RBFOX1: variants seen among roughly 807,000 people sequenced by gnomAD.
RBFOX1 encodes the protein RNA binding fox-1 homolog 1.
RBFOX1 carries 8 observed loss-of-function variants against 57.7 expected under a neutral mutation model. That is an observed-to-expected ratio of 0.14 (90% confidence interval 0.08 to 0.25). The LOEUF is 0.25. Ranked by LOEUF, RBFOX1 falls within the 10% of genes least tolerant of loss-of-function variation. The pLI, the probability that RBFOX1 is intolerant of heterozygous loss-of-function variation, is 1.00. For synonymous variants in RBFOX1, 326 were observed against 222.4 expected, an observed-to-expected ratio of 1.47 and a Z score of -4.15; for missense variants, 611 against 548.5, an observed-to-expected ratio of 1.11 and a Z score of -1.14.
intron 3 of RBFOX1, among the ~76,000 whole-genome samples, chr16:5,788,100 T>C: frequency 6.6e-6 from 1 of 152,176 alleles, no homozygotes. Context: ...CCCTTCTTCC[T>C]AGGCGGAGAT....
intron 3 of RBFOX1, among the ~76,000 whole-genome samples, chr16:5,683,736 C>T (rs746057721): frequency 3.4e-5 from 5 of 148,788 alleles, no homozygotes; most frequent in Non-Finnish European, 5.9e-5. Context: ...GTCCCCTTTA[C>T]GTGTATGTGT....
intron 2 of RBFOX1, among the ~76,000 whole-genome samples, chr16:6,589,977 G>T (rs556122585): frequency 5.1e-4 from 78 of 152,226 alleles, no homozygotes; most frequent in Non-Finnish European, 9.6e-4. Context: ...ACAATTTCCA[G>T]TCACTCCTCT....
At chr16:5,305,716 G>T (rs1004368290) in intron 1 of RBFOX1, among the ~76,000 whole-genome samples, 2 of 152,168 alleles carry the variant, frequency 1.3e-5, no homozygotes, top group African/African-American at 4.8e-5. Flanking sequence ...CTTCTGGGTG[G>T]TGGGCAGCCA....
chr16:6,137,588 G>T (rs1429254261), intron 1 of RBFOX1, among the ~76,000 whole-genome samples: 1 of 149,582 alleles, frequency 6.7e-6, no homozygotes, highest in African/African-American at 2.5e-5. Flanking sequence ...TTATAGGTGT[G>T]AGGCACTGCG....
At chr16:7,214,187 C>A (rs2091640984) in intron 4 of RBFOX1, among the ~76,000 whole-genome samples, 1 of 152,074 alleles carries the variant, frequency 6.6e-6, no homozygotes, top group South Asian at 2.1e-4. Context: ...ACAGTAGACC[C>A]TTCATTTATC....
At chr16:5,483,486 T>C (rs764774872) in intron 2 of RBFOX1, among the ~76,000 whole-genome samples, 2 of 152,208 alleles carry the variant, frequency 1.3e-5, no homozygotes, top group African/African-American at 4.8e-5. Context: ...CCGGATCTAA[T>C]TGTGTCTTAT....
chr16:6,369,400 G>C (rs1486221352), intron 2 of RBFOX1, among the ~76,000 whole-genome samples: 1 of 152,154 alleles, frequency 6.6e-6, no homozygotes, highest in Non-Finnish European at 1.5e-5. Flanking sequence ...GAAAAAGAAA[G>C]GAGGCATTGT....
intron 1 of RBFOX1, among the ~76,000 whole-genome samples, chr16:6,268,191 A>C (rs968350505): frequency 1.3e-5 from 2 of 152,124 alleles, no homozygotes; most frequent in Non-Finnish European, 2.9e-5. Context: ...CTTTTGTGAC[A>C]GTTTCCTCTC....
At chr16:7,424,389 A>G (rs536060654) in intron 4 of RBFOX1, among the ~76,000 whole-genome samples, 2 of 152,214 alleles carry the variant, frequency 1.3e-5, no homozygotes, top group South Asian at 2.1e-4. Flanking sequence ...CCTCCCGAGT[A>G]GCTGGGAATA....
At chr16:6,281,905 C>G (rs980349490) in intron 1 of RBFOX1, among the ~76,000 whole-genome samples, 1 of 152,032 alleles carries the variant, frequency 6.6e-6, no homozygotes, top group South Asian at 2.1e-4. Flanking sequence ...TACCCCACTG[C>G]CCGCCTGAGT....
intron 1 of RBFOX1, among the ~76,000 whole-genome samples, chr16:5,454,971 C>G (rs1463171442): frequency 1.3e-5 from 1 of 75,084 alleles, no homozygotes; most frequent in East Asian, 4.2e-4. Flanking sequence ...TTCTTTCTTT[C>G]TTTCTTTCTT....
At chr16:6,920,680 G>A (rs956470523) in intron 3 of RBFOX1, among the ~76,000 whole-genome samples, 2 of 152,108 alleles carry the variant, frequency 1.3e-5, no homozygotes, top group African/African-American at 4.8e-5. Context: ...AGTTTCTTTT[G>A]GTTCCAAGCA....
At position 5,932,837 on chromosome 16, in the gene RBFOX1, T is replaced by G. The variant is rs980827194; in HGVS notation, c.351+65502T>G. 7.9e-5 allele frequency among the ~76,000 whole-genome samples: 12 copies of G among 151,822 alleles called. No homozygotes were observed. In the East Asian group the frequency reaches 2.1e-3, roughly 27 times the overall value. On this transcript the variant is annotated intron_variant, in intron 4 of 19. Coordinates refer to the RBFOX1 transcript ENST00000641259. Reference sequence around the variant, plus strand: ...GGTTCTCCCTGCTCTTTGGCCCCAGTGCCTCACACCCGCCACTCCCTGCTC... The same window carrying G: ...GGTTCTCCCTGCTCTTTGGCCCCAGGGCCTCACACCCGCCACTCCCTGCTC...
intron 4 of RBFOX1, among the ~76,000 whole-genome samples, chr16:7,122,604 C>G (rs1273812488): frequency 6.6e-6 from 1 of 152,178 alleles, no homozygotes; most frequent in Non-Finnish European, 1.5e-5. Flanking sequence ...AACTGGATTT[C>G]TCCTGTACTG....
At chr16:6,068,017 C>A (rs564137359) in intron 1 of RBFOX1, among the ~76,000 whole-genome samples, 13 of 152,142 alleles carry the variant, frequency 8.5e-5, no homozygotes, top group Non-Finnish European at 1.8e-4. Flanking sequence ...ATCAATATGA[C>A]CAAGATTTCC....
chr16:6,680,703 C>G (rs920265897), intron 3 of RBFOX1, among the ~76,000 whole-genome samples: 11 of 152,136 alleles, frequency 7.2e-5, no homozygotes, highest in Non-Finnish European at 7.4e-5. Flanking sequence ...TTTAATGAGA[C>G]TTTAATCAGA....
intron 1 of RBFOX1, among the ~76,000 whole-genome samples, chr16:6,243,180 T>G (rs2097549424): frequency 6.7e-6 from 1 of 149,436 alleles, no homozygotes; most frequent in Non-Finnish European, 1.5e-5. Flanking sequence ...ATGTACAGTT[T>G]CCTCTAGGAG....
chr16:7,316,030 C>G (rs1364267978), intron 4 of RBFOX1, among the ~76,000 whole-genome samples: 2 of 152,184 alleles, frequency 1.3e-5, no homozygotes, highest in Non-Finnish European at 2.9e-5. Flanking sequence ...TTCACCCAAA[C>G]AAACATCCCT....
At chr16:7,387,066 G>C (rs868865180) in intron 4 of RBFOX1, among the ~76,000 whole-genome samples, 12 of 152,102 alleles carry the variant, frequency 7.9e-5, no homozygotes, top group East Asian at 1.9e-4. Context: ...CCCACTTTTT[G>C]ATGGGGTTGT....
Sources: allele counts gnomAD v4.1 joint callset (sites outside exome capture counted in the v4.1 genomes callset), GRCh38; gene constraint gnomAD v4.1.1; transcripts MANE v1.5; gene names NCBI Gene and HGNC (gene_info 2026-07-23, HGNC 2026-07-21).